ELOC: variants seen among roughly 807,000 people sequenced by gnomAD.
The protein encoded by ELOC is elongin C.
For missense variants in ELOC, 38 were observed against 139.0 expected (o/e 0.27, Z 3.65); for synonymous variants, 40 against 51.3 (o/e 0.78, Z 0.94).
At chr8:73,966,486 G>A (rs955029158) in intron 1 of ELOC, among the ~76,000 whole-genome samples, 7 of 128,454 alleles carry the variant, frequency 5.4e-5, no homozygotes, top group African/African-American at 2.8e-4. Flanking sequence ...CAAGCCATGG[G>A]TCTTTTTTTT....
At chr8:73,967,660 G>A (rs1356455912) in intron 1 of ELOC, among the ~76,000 whole-genome samples, 1 of 151,776 alleles carries the variant, frequency 6.6e-6, no homozygotes, top group Admixed American at 6.6e-5. Context: ...GTGGAGACAG[G>A]GTTTCACCAT....
chr8:73,961,999 G>A (rs28582330), intron 1 of ELOC, among the ~76,000 whole-genome samples: 3 of 151,886 alleles, frequency 2.0e-5, no homozygotes, highest in Admixed American at 2.0e-4. Flanking sequence ...AGGTTCAAAC[G>A]ATTCTTGTGC....
chr8:73,959,258 C>T (rs180794481), intron 2 of ELOC, among the ~76,000 whole-genome samples: 3 of 152,164 alleles, frequency 2.0e-5, no homozygotes, highest in Admixed American at 2.0e-4. Context: ...CAGGCTGGAG[C>T]GCAGTCGTGC....
chr8:73,967,642 T>C (rs1266913746), intron 1 of ELOC, among the ~76,000 whole-genome samples: 3 of 152,078 alleles, frequency 2.0e-5, no homozygotes, highest in African/African-American at 7.2e-5. Flanking sequence ...TAATTATTTG[T>C]ATTTTTAGTG....
At chr8:73,954,260 G>A (rs1321940244) in intron 3 of ELOC, among the ~76,000 whole-genome samples, 1 of 152,180 alleles carries the variant, frequency 6.6e-6, no homozygotes, top group Non-Finnish European at 1.5e-5. Flanking sequence ...AGATAGAGAT[G>A]ATGGCTGCAA....
intron 3 of ELOC, among the ~76,000 whole-genome samples, chr8:73,952,232 C>T (rs1813819972): frequency 6.6e-6 from 1 of 151,900 alleles, no homozygotes; most frequent in Non-Finnish European, 1.5e-5. Flanking sequence ...GGTGAAACTC[C>T]ATCTCCACTA....
At position 73,952,608 on chromosome 8, in the gene ELOC, G is replaced by A. The variant is rs368356412; in HGVS notation, c.148+3303C>T. ...TTCCCGGCTAACACAGTGAAACCCC[G>A]TCTCTACTAAAAATACAAAAAAATT... On this transcript the variant is annotated intron_variant, in intron 3 of 3. Coordinates refer to ENST00000520242, the MANE Select transcript of ELOC (RefSeq NM_005648.4). 1.1e-4 allele frequency among the ~76,000 whole-genome samples: 17 copies of A among 150,682 alleles called. No individual in the cohort carries two copies. The South Asian group carries it at 1.9e-3, about 17-fold the overall frequency.
chr8:73,963,858 C>A (rs572007843), intron 1 of ELOC, among the ~76,000 whole-genome samples: 8 of 152,004 alleles, frequency 5.3e-5, no homozygotes, highest in Non-Finnish European at 1.2e-4. Context: ...TTTGGGAGGC[C>A]GAAGGGGGTG....
chr8:73,962,941 A>G (rs1586614125), intron 1 of ELOC, among the ~76,000 whole-genome samples: 1 of 152,358 alleles, frequency 6.6e-6, no homozygotes, highest in East Asian at 1.9e-4. Context: ...TAAGTTATCT[A>G]AAGAAATATA....
chr8:73,958,099 T>G (rs1487594552), intron 2 of ELOC, among the ~76,000 whole-genome samples: 4 of 151,096 alleles, frequency 2.6e-5, no homozygotes, highest in Non-Finnish European at 3.0e-5. Context: ...ATGGTTTTTT[T>G]TTTTTTTTTT....
intron 3 of ELOC, among the ~76,000 whole-genome samples, chr8:73,949,322 A>G (rs1248989570): frequency 1.3e-5 from 2 of 152,252 alleles, no homozygotes; most frequent in Non-Finnish European, 2.9e-5. Context: ...TTTCTTAAAT[A>G]CATGCCTGAA....
intron 3 of ELOC, among the ~76,000 whole-genome samples, chr8:73,950,343 TCAAAAA>T (rs1434908661): frequency 3.9e-5 from 6 of 152,038 alleles, no homozygotes; most frequent in African/African-American, 1.2e-4. Flanking sequence ...TGACATTCAC[TCAAAAA>T]CAAAAACAAA....
At chr8:73,971,832 T>C (rs1036154543) in intron 1 of ELOC, 1 of 152,386 alleles carries the variant, frequency 6.6e-6, no homozygotes, top group African/African-American at 2.4e-5. Flanking sequence ...CCAGTCTCGC[T>C]GGCTGCTGCC....
intron 2 of ELOC, among the ~76,000 whole-genome samples, chr8:73,958,187 C>T (rs969722956): frequency 1.3e-5 from 2 of 150,902 alleles, no homozygotes; most frequent in African/African-American, 4.9e-5. Flanking sequence ...CCTGCAACTC[C>T]TGGGTTCGAG....
chr8:73,947,313 G>A (rs576129592), intron 3 of ELOC, among the ~76,000 whole-genome samples: 6 of 152,136 alleles, frequency 3.9e-5, no homozygotes, highest in Non-Finnish European at 5.9e-5. Context: ...TAAGAGATCC[G>A]GACAGAGATG....
chr8:73,963,097 TGGCCTGAGAC>T (rs1814716614), intron 1 of ELOC, among the ~76,000 whole-genome samples: 2 of 152,192 alleles, frequency 1.3e-5, no homozygotes, highest in Admixed American at 1.3e-4. Flanking sequence ...GCATGAACAA[TGGCCTGAGAC>T]GTCATTATGC....
At chr8:73,957,321 T>C (rs907151855) in intron 2 of ELOC, among the ~76,000 whole-genome samples, 1 of 152,190 alleles carries the variant, frequency 6.6e-6, no homozygotes, top group East Asian at 1.9e-4. Flanking sequence ...GCTACTGCCA[T>C]TGCTGCTGTA....
intron 3 of ELOC, among the ~76,000 whole-genome samples, chr8:73,951,478 C>A (rs948426823): frequency 1.3e-5 from 2 of 151,936 alleles, no homozygotes; most frequent in Non-Finnish European, 1.5e-5. Context: ...CCAACCTGGG[C>A]AACATCGCTA....
chr8:73,950,453 C>T (rs1055872790), intron 3 of ELOC, among the ~76,000 whole-genome samples: 7 of 152,118 alleles, frequency 4.6e-5, no homozygotes, highest in African/African-American at 1.7e-4. Context: ...ATCATCTTTC[C>T]CATATAGACT....
Sources: allele counts gnomAD v4.1 joint callset (sites outside exome capture counted in the v4.1 genomes callset), GRCh38; gene constraint gnomAD v4.1.1; transcripts MANE v1.5; gene names NCBI Gene and HGNC (gene_info 2026-07-23, HGNC 2026-07-21).